The following YIPF1 variants were observed in gnomAD, a reference collection of about 807,000 sequenced individuals.
YIPF1 encodes Yip1 domain family member 1.
Under a neutral mutation model 37.0 loss-of-function variants are expected in YIPF1, and 22 were observed. The observed-to-expected ratio is 0.59, with a 90% CI of 0.42 to 0.85. YIPF1 has a LOEUF of 0.85. YIPF1 is among the 40% of genes least tolerant of loss of function. The probability of loss-of-function intolerance (pLI) is 0.00; values close to 1 mark genes in which losing one functional copy is unlikely to be tolerated. For missense variants in YIPF1, 355 were observed against 373.1 expected (o/e 0.95, Z 0.40); for synonymous variants, 128 against 131.9 (o/e 0.97, Z 0.21).
chr1:53,878,717 A>G lies in YIPF1; in HGVS notation c.201T>C (p.Leu67=). 2 of 1,588,490 alleles carry G rather than the reference A, an allele frequency of 1.3e-6. No individual in the cohort carries two copies. Among genetic ancestry groups the G allele is most frequent in the East Asian group, 2.2e-5 (1 of 44,788 alleles). ...AGGGGGAGCTTTTCTTCTGTCCAGC[A>G]AGTAACTGTCAGAAATAAAATAAAA... ...GNDDSDKTEL[L]AGQKKSSPFW... Residue 67 remains leucine (L), a synonymous_variant, in exon 5 of 11, where the codon CTT becomes CTC. Coordinates refer to ENST00000072644, the MANE Select transcript of YIPF1 (RefSeq NM_018982.5).
chr1:53,878,574 G>T, intron 5 of YIPF1, 68 bp downstream of exon 5: 1 of 1,541,738 alleles, frequency 6.5e-7, no homozygotes, highest in Non-Finnish European at 8.8e-7. Flanking sequence ...ACATTATTTG[G>T]TTGTTCAACC....
chr1:53,873,600 G>A (rs1287601988), intron 6 of YIPF1, among the ~76,000 whole-genome samples: 2 of 152,044 alleles, frequency 1.3e-5, no homozygotes, highest in East Asian at 3.9e-4. Flanking sequence ...GTCACTTGAG[G>A]CTAGGAGTTT....
intron 6 of YIPF1, among the ~76,000 whole-genome samples, chr1:53,877,424 T>G (rs965940521): frequency 6.6e-6 from 1 of 152,210 alleles, no homozygotes; most frequent in African/African-American, 2.4e-5. Flanking sequence ...TTGCAAGGGT[T>G]GTTGCAAGAA....
chr1:53,858,663 C>A (rs796189002), intron 10 of YIPF1, among the ~76,000 whole-genome samples: 4 of 152,212 alleles, frequency 2.6e-5, no homozygotes, highest in African/African-American at 9.6e-5. Context: ...GAGACAGGTT[C>A]TCTCTCTATC....
At chr1:53,885,806 C>G (rs1650633945) in intron 3 of YIPF1, among the ~76,000 whole-genome samples, 1 of 113,354 alleles carries the variant, frequency 8.8e-6, no homozygotes, top group Non-Finnish European at 1.7e-5. Context: ...GGTGACAGAG[C>G]GAGACTCGGT....
chr1:53,866,163 T>C (rs112268133), intron 9 of YIPF1, 37 bp downstream of exon 9: 5 of 1,598,950 alleles, frequency 3.1e-6, no homozygotes, highest in African/African-American at 2.7e-5. Context: ...CATTTGGATA[T>C]AAAACACACC....
intron 4 of YIPF1, among the ~76,000 whole-genome samples, chr1:53,881,834 T>C (rs532635871): frequency 6.6e-6 from 1 of 152,290 alleles, no homozygotes; most frequent in South Asian, 2.1e-4. Flanking sequence ...AGAAATACTA[T>C]TTGACCCAGC....
In YIPF1 at chr1:53,866,936, A is replaced by G. The variant is rs1334022675; in HGVS notation, c.482-12T>C. The G allele has an allele frequency of 6.2e-7, 1 of 1,600,794 alleles. No individual in the cohort carries two copies. Among genetic ancestry groups the G allele is most frequent in the Non-Finnish European group, 8.5e-7 (1 of 1,174,624 alleles). On this transcript the variant is annotated splice_polypyrimidine_tract_variant and intron_variant, in intron 7 of 10. Transcript: ENST00000072644. The stretch of plus-strand genomic sequence containing the variant: ...AGCTGCTATGGACACTGAGGATGAC[A>G]GGACACAAGTTTCAATCTCCATCAT...
At chr1:53,881,244 CAAA>C (rs747288925) in intron 4 of YIPF1, among the ~76,000 whole-genome samples, 3 of 96,276 alleles carry the variant, frequency 3.1e-5, no homozygotes, top group South Asian at 3.9e-4. Context: ...GACTCCATCT[CAAA>C]AAAAAAAAAA....
At chr1:53,887,094 T>C (rs1239265137) in intron 3 of YIPF1, among the ~76,000 whole-genome samples, 4 of 151,902 alleles carry the variant, frequency 2.6e-5, no homozygotes, top group Non-Finnish European at 4.4e-5. Flanking sequence ...TGTGTTTGTT[T>C]GTTTATGTTT....
chr1:53,861,663 GGGAAGGAA>G (rs796802450), intron 9 of YIPF1, among the ~76,000 whole-genome samples: 1 of 144,710 alleles, frequency 6.9e-6, no homozygotes, highest in African/African-American at 2.6e-5. Context: ...GAAGGGAGGG[GGGAAGGAA>G]GGAAGGAAGG....
intron 9 of YIPF1, among the ~76,000 whole-genome samples, chr1:53,863,742 T>C (rs1355390324): frequency 1.4e-5 from 2 of 145,980 alleles, no homozygotes; most frequent in Admixed American, 6.7e-5. Flanking sequence ...AAATGGGTTC[T>C]TTTTTTTGTT....
chr1:53,868,536 T>C (rs190729957), intron 7 of YIPF1, among the ~76,000 whole-genome samples: 19 of 152,286 alleles, frequency 1.2e-4, no homozygotes, highest in Non-Finnish European at 2.1e-4. Flanking sequence ...AATCAAGAAT[T>C]AGTTTTTATA....
chr1:53,869,160 T>TCTCTCTCACACACACA (rs911930860), intron 7 of YIPF1, among the ~76,000 whole-genome samples: 4 of 137,980 alleles, frequency 2.9e-5, no homozygotes, highest in African/African-American at 1.1e-4. Context: ...TCTCTCTCTC[T>TCTCTCTCACACACACA]CACACACACA....
intron 9 of YIPF1, 63 bp from the exon 10 acceptor site, chr1:53,860,216 T>C (rs546854199): frequency 5.3e-6 from 8 of 1,501,810 alleles, no homozygotes; most frequent in East Asian, 4.5e-5. Context: ...AGTGTTTTTT[T>C]AGACTCCATG....
At chr1:53,886,454 T>A (rs1569661377) in intron 3 of YIPF1, among the ~76,000 whole-genome samples, 2 of 151,938 alleles carry the variant, frequency 1.3e-5, no homozygotes, top group East Asian at 3.9e-4. Context: ...AGTTTCAGCC[T>A]CTGCTCCTTT....
intron 6 of YIPF1, among the ~76,000 whole-genome samples, chr1:53,872,681 T>C (rs1164969004): frequency 6.6e-6 from 1 of 152,148 alleles, no homozygotes; most frequent in African/African-American, 2.4e-5. Flanking sequence ...CGTCACAAAA[T>C]TACGAACATT....
chr1:53,869,094 T>C (rs989382025), intron 7 of YIPF1, among the ~76,000 whole-genome samples: 2 of 150,138 alleles, frequency 1.3e-5, no homozygotes, highest in African/African-American at 2.5e-5. Flanking sequence ...GCATGGAAGG[T>C]AGAGGGGAAG....
chr1:53,874,505 A>G (rs1650284405), intron 6 of YIPF1, among the ~76,000 whole-genome samples: 1 of 152,272 alleles, frequency 6.6e-6, no homozygotes, highest in East Asian at 1.9e-4. Flanking sequence ...GGTGGTTCAC[A>G]CCTATAATCC....
Sources: allele counts gnomAD v4.1 joint callset (sites outside exome capture counted in the v4.1 genomes callset), GRCh38; gene constraint gnomAD v4.1.1; transcripts MANE v1.5; gene names NCBI Gene and HGNC (gene_info 2026-07-23, HGNC 2026-07-21).